The following ATXN7L1 variants were observed in gnomAD, a reference collection of about 807,000 sequenced individuals.
The protein encoded by ATXN7L1 is ataxin-7-like protein 1.
ATXN7L1 carries 15 observed loss-of-function variants against 70.8 expected under a neutral mutation model. That is an observed-to-expected ratio of 0.21 (90% CI 0.14 to 0.33). The LOEUF is 0.33. Ranked by LOEUF, ATXN7L1 falls within the 10% of genes least tolerant of loss-of-function variation. The pLI is 1.00. For synonymous variants in ATXN7L1, 440 were observed against 445.1 expected (o/e 0.99, Z 0.14); for missense variants, 975 against 1,097.1 (o/e 0.89, Z 1.57).
intron 2 of ATXN7L1, among the ~76,000 whole-genome samples, chr7:105,845,401 A>C (rs1177565154): frequency 6.6e-6 from 1 of 151,860 alleles, no homozygotes; most frequent in Non-Finnish European, 1.5e-5. Flanking sequence ...ATTAAGATCT[A>C]AGTAAATACA....
intron 4 of ATXN7L1, among the ~76,000 whole-genome samples, chr7:105,646,385 G>C (rs950242199): frequency 6.6e-6 from 1 of 152,072 alleles, no homozygotes; most frequent in Non-Finnish European, 1.5e-5. Context: ...ATTTTGGGGG[G>C]CCAGGGTGAG....
chr7:105,784,111 G>A (rs1472547397), intron 3 of ATXN7L1, among the ~76,000 whole-genome samples: 3 of 152,136 alleles, frequency 2.0e-5, no homozygotes, highest in African/African-American at 7.2e-5. Flanking sequence ...ACAGGCACAT[G>A]CCAACATGCC....
chr7:105,819,813 C>A, intron 2 of ATXN7L1: 1 of 641,416 alleles, frequency 1.6e-6, no homozygotes. Context: ...TTGACGGCAT[C>A]CCACCGCCCT....
chr7:105,768,037 C>T (rs555619267), intron 3 of ATXN7L1, among the ~76,000 whole-genome samples: 76 of 152,340 alleles, frequency 5.0e-4, no homozygotes, highest in Non-Finnish European at 9.1e-4. Flanking sequence ...TGCCCAAGGA[C>T]GCTTCATAGA....
At chr7:105,741,758 C>A (rs1346981840) in intron 3 of ATXN7L1, among the ~76,000 whole-genome samples, 1 of 152,138 alleles carries the variant, frequency 6.6e-6, no homozygotes, top group African/African-American at 2.4e-5. Context: ...TGAGGGTGGG[C>A]CCTAATGTAA....
Position 105,876,591 on chromosome 7 carries a change from AG to A in ATXN7L1, c.-34del. 8.3e-6 allele frequency: 3 copies of A among 363,144 alleles called. No individual in the cohort carries two copies. The highest frequency in any genetic ancestry group is 1.5e-5 in the Non-Finnish European group (3 of 199,982). The allele number at this position is 363,144 out of a possible 1,614,324, so 22.5% of individuals were successfully genotyped here. On this transcript the variant is annotated 5_prime_UTR_variant, in exon 1 of 12. Coordinates refer to ENST00000419735, the MANE Select transcript of ATXN7L1 (RefSeq NM_020725.2). ...ACGTTCCGACATTGAGTGTTCTGAAAGGGGGAGGGAGGGAGGAAGGGCGGGA... is the reference window on the plus strand; with the variant it reads ...ACGTTCCGACATTGAGTGTTCTGAAAGGGGAGGGAGGGAGGAAGGGCGGGA...
At chr7:105,608,710 T>C (rs543603773) in intron 11 of ATXN7L1, among the ~76,000 whole-genome samples, 128 of 152,288 alleles carry the variant, frequency 8.4e-4, no homozygotes, top group African/African-American at 2.8e-3. Flanking sequence ...GGACTCAAAA[T>C]GGTGAGGAGA....
At chr7:105,630,717 A>G (rs1415731382) in intron 7 of ATXN7L1, among the ~76,000 whole-genome samples, 1 of 64,532 alleles carries the variant, frequency 1.5e-5, no homozygotes, top group African/African-American at 5.1e-5. Context: ...ACCCTGTCTC[A>G]AAAAATAAAT....
At chr7:105,854,097 C>T (rs1332559609) in intron 2 of ATXN7L1, among the ~76,000 whole-genome samples, 3 of 152,208 alleles carry the variant, frequency 2.0e-5, no homozygotes, top group Non-Finnish European at 4.4e-5. Context: ...AGGCAGTTTT[C>T]CCTATAAGGC....
intron 10 of ATXN7L1, among the ~76,000 whole-genome samples, chr7:105,612,931 C>G (rs905377432): frequency 6.6e-6 from 1 of 152,206 alleles, no homozygotes; most frequent in Non-Finnish European, 1.5e-5. Flanking sequence ...TTCTGTGTAA[C>G]GGTCTCTGGA....
intron 4 of ATXN7L1, among the ~76,000 whole-genome samples, chr7:105,643,689 T>G: frequency 6.6e-6 from 1 of 152,224 alleles, no homozygotes. Flanking sequence ...TCTCACATCC[T>G]GGGGATGGGC....
chr7:105,617,840 T>C (rs1341770072), intron 9 of ATXN7L1: 1 of 433,990 alleles, frequency 2.3e-6, no homozygotes, highest in South Asian at 1.6e-5. Flanking sequence ...CAGAGTTAAA[T>C]GCTTGTTAAA....
intron 8 of ATXN7L1, among the ~76,000 whole-genome samples, chr7:105,621,905 G>A (rs956406415): frequency 5.3e-5 from 8 of 152,222 alleles, no homozygotes; most frequent in South Asian, 2.1e-4. Context: ...GGGGGGTTTC[G>A]CATTAAAATC....
At chr7:105,669,832 C>T (rs554167) in intron 3 of ATXN7L1, among the ~76,000 whole-genome samples, 130,502 of 151,158 alleles carry the variant, frequency 0.86, 56,452 homozygotes, top group Middle Eastern at 0.93. Flanking sequence ...GGCAGGAGAA[C>T]CGCTTAAACC....
At chr7:105,776,987 C>G (rs1484063535) in intron 3 of ATXN7L1, among the ~76,000 whole-genome samples, 3 of 152,096 alleles carry the variant, frequency 2.0e-5, no homozygotes. Context: ...CCAGGCTGGT[C>G]TGGAACTCTT....
intron 3 of ATXN7L1, among the ~76,000 whole-genome samples, chr7:105,698,367 T>C (rs1792012097): frequency 6.6e-6 from 1 of 152,194 alleles, no homozygotes; most frequent in Non-Finnish European, 1.5e-5. Flanking sequence ...TTTTCTTTTT[T>C]AAAAATAAAT....
At chr7:105,854,958 C>CTTTTT (rs34345388) in intron 2 of ATXN7L1, among the ~76,000 whole-genome samples, 1 of 130,402 alleles carries the variant, frequency 7.7e-6, no homozygotes, top group Non-Finnish European at 1.7e-5. Context: ...TCTTCTTCTT[C>CTTTTT]TTTTTTTTTT....
In ATXN7L1 at chr7:105,613,997, C is replaced by T; in HGVS notation, c.2337G>A (p.Lys779=). ...PLSFDKSEGK[K]RKNSSSSSKA... ...TGCTACTAGAACTCGAGTTCTTACG[C>T]TTTTTTCCTTCTGATTTGTCAAAAG... Residue 779 remains lysine, a synonymous_variant, in exon 10 of 12, where the codon AAG becomes AAA. Coordinates refer to ENST00000419735, the MANE Select transcript of ATXN7L1 (RefSeq NM_020725.2). The T allele has an allele frequency of 1.3e-6, 2 of 1,552,170 alleles. No individual in the cohort carries two copies. Among genetic ancestry groups the T allele is most frequent in the Non-Finnish European group, 1.7e-6 (2 of 1,147,100 alleles).
intron 3 of ATXN7L1, among the ~76,000 whole-genome samples, chr7:105,723,982 C>G (rs1315167268): frequency 6.6e-6 from 1 of 152,168 alleles, no homozygotes; most frequent in Admixed American, 6.5e-5. Context: ...GACTAAAATC[C>G]TTCTTTGATG....
Sources: gnomAD v4.1 joint callset for allele counts (sites outside exome capture counted in the v4.1 genomes callset) on GRCh38, gnomAD v4.1.1 for gene constraint, MANE v1.5 for transcripts, NCBI Gene and HGNC (gene_info 2026-07-23, HGNC 2026-07-21) for gene names.